Variants in ATP8A2 observed in about 807,000 individuals in gnomAD.
ATP8A2 encodes ATPase phospholipid transporting 8A2, also known as phospholipid-transporting ATPase IB.
Under a neutral mutation model 165.6 loss-of-function variants are expected in ATP8A2, and 100 were observed. The ratio of observed to expected loss-of-function variants is 0.60; its 90% CI spans 0.51 to 0.71. ATP8A2 has a LOEUF of 0.71. Among genes scored for constraint, ATP8A2 ranks in the 30% least tolerant of loss-of-function variants. ATP8A2 has a pLI of 0.00. For synonymous variants in ATP8A2, 543 were observed against 548.8 expected, an observed-to-expected ratio of 0.99 and a Z score of 0.15; for missense variants, 1,227 against 1,479.5, an observed-to-expected ratio of 0.83 and a Z score of 2.80.
chr13:25,855,137 G>A (rs933822307), intron 30 of ATP8A2, among the ~76,000 whole-genome samples: 2 of 151,844 alleles, frequency 1.3e-5, no homozygotes, highest in Non-Finnish European at 2.9e-5. Flanking sequence ...TGTAATCCCA[G>A]CTACTTGGGA....
intron 6 of ATP8A2, among the ~76,000 whole-genome samples, chr13:25,533,714 C>A (rs538260710): frequency 9.2e-5 from 14 of 152,274 alleles, no homozygotes; most frequent in Admixed American, 7.8e-4. Flanking sequence ...CAAGAAACCA[C>A]CCCATTTCCG....
At chr13:25,900,460 G>A (rs560366311) in intron 33 of ATP8A2, among the ~76,000 whole-genome samples, 4 of 152,170 alleles carry the variant, frequency 2.6e-5, no homozygotes, top group African/African-American at 4.8e-5. Flanking sequence ...GGGCTGTCAC[G>A]TGGAAGAAGT....
chr13:25,450,826 C>T (rs1393333264), intron 1 of ATP8A2, among the ~76,000 whole-genome samples: 1 of 152,022 alleles, frequency 6.6e-6, no homozygotes, highest in Non-Finnish European at 1.5e-5. Flanking sequence ...CCACCGCGCC[C>T]AGCCCTGACT....
At chr13:25,712,284 C>T (rs1465319654) in intron 25 of ATP8A2, among the ~76,000 whole-genome samples, 1 of 152,162 alleles carries the variant, frequency 6.6e-6, no homozygotes, top group Non-Finnish European at 1.5e-5. Flanking sequence ...CTACCTATCT[C>T]TCAGTCTGCA....
chr13:25,803,610 C>T (rs559271732), intron 27 of ATP8A2, among the ~76,000 whole-genome samples: 2 of 152,206 alleles, frequency 1.3e-5, no homozygotes, highest in African/African-American at 2.4e-5. Flanking sequence ...AGATCAGCCT[C>T]GGGACCAAAA....
intron 1 of ATP8A2, among the ~76,000 whole-genome samples, chr13:25,381,802 C>CAG (rs2032847605): frequency 6.6e-6 from 1 of 152,128 alleles, no homozygotes; most frequent in African/African-American, 2.4e-5. Context: ...AGAGCTAGTC[C>CAG]AGAGTTCTGA....
chr13:25,963,393 C>CAAAA (rs763926807), intron 34 of ATP8A2, among the ~76,000 whole-genome samples: 4 of 115,380 alleles, frequency 3.5e-5, no homozygotes, highest in African/African-American at 1.0e-4. Flanking sequence ...GACTCCGTCT[C>CAAAA]AAAAAAAAAA....
At chr13:25,442,132 A>G (rs1209359029) in intron 1 of ATP8A2, among the ~76,000 whole-genome samples, 6 of 152,190 alleles carry the variant, frequency 3.9e-5, no homozygotes, top group African/African-American at 9.7e-5. Flanking sequence ...TTATCCATTT[A>G]TCCACGGATA....
chr13:25,587,122 A>C (rs1209664364), intron 23 of ATP8A2, among the ~76,000 whole-genome samples: 1 of 152,214 alleles, frequency 6.6e-6, no homozygotes, highest in African/African-American at 2.4e-5. Context: ...TTGACATTCT[A>C]TACCTGGCTC....
intron 23 of ATP8A2, among the ~76,000 whole-genome samples, chr13:25,586,936 G>A (rs1168679422): frequency 2.6e-5 from 4 of 152,038 alleles, no homozygotes; most frequent in African/African-American, 9.7e-5. Flanking sequence ...TAATATTTTG[G>A]TTTCTTTGAA....
intron 27 of ATP8A2, among the ~76,000 whole-genome samples, chr13:25,810,133 A>T (rs1269843851): frequency 6.6e-6 from 1 of 152,206 alleles, no homozygotes; most frequent in African/African-American, 2.4e-5. Flanking sequence ...GGTAGTCTCT[A>T]ACCTCCATTC....
intron 24 of ATP8A2, among the ~76,000 whole-genome samples, chr13:25,665,672 G>A (rs1211890261): frequency 2.0e-5 from 3 of 151,202 alleles, no homozygotes; most frequent in African/African-American, 7.4e-5. Flanking sequence ...CATGTAACAA[G>A]CATATTGAAT....
At chr13:25,501,836 T>C (rs1188727320) in intron 2 of ATP8A2, among the ~76,000 whole-genome samples, 3 of 152,214 alleles carry the variant, frequency 2.0e-5, no homozygotes, top group Admixed American at 6.5e-5. Context: ...TAGTGGATGG[T>C]AGAACAGTCC....
chr13:25,754,989 T>C (rs1163964156), intron 25 of ATP8A2, among the ~76,000 whole-genome samples: 1 of 152,206 alleles, frequency 6.6e-6, no homozygotes, highest in Non-Finnish European at 1.5e-5. Flanking sequence ...ATTTGCTGAT[T>C]TGTTTTTTGG....
chr13:25,601,498 G>A lies in ATP8A2; in HGVS notation c.2211+11799G>A, dbSNP rs147636317. Among the ~76,000 whole-genome samples the A allele has an allele frequency of 1.4e-4, 21 of 152,208 alleles. No individual in the cohort carries two copies. The East Asian group carries it at 2.9e-3, about 21-fold the overall frequency. On this transcript the variant is annotated intron_variant, in intron 24 of 36. Transcript: ENST00000381655. The stretch of plus-strand genomic sequence containing the variant: ...TGTTGTTTGTGTTGTTTTTTGAGAC[G>A]GAGTCTCGTTCTGTCACCCATGCTG...
chr13:25,777,500 G>T (rs949670624), intron 27 of ATP8A2, among the ~76,000 whole-genome samples: 5 of 152,122 alleles, frequency 3.3e-5, no homozygotes, highest in Non-Finnish European at 7.4e-5. Flanking sequence ...ACTTAAGTAA[G>T]AATAAATTAA....
At chr13:25,599,169 G>T (rs1336327831) in intron 24 of ATP8A2, among the ~76,000 whole-genome samples, 6 of 152,062 alleles carry the variant, frequency 3.9e-5, no homozygotes, top group African/African-American at 1.4e-4. Flanking sequence ...ATTAGCATTT[G>T]CTTAAAGAGC....
In ATP8A2 at chr13:25,900,719, G is replaced by A. The variant is rs190552712; in HGVS notation, c.3183+38311G>A. Among the ~76,000 whole-genome samples, 214 of 152,216 alleles carry A rather than the reference G, an allele frequency of 1.4e-3. 1 individual carries two copies. The highest frequency in any genetic ancestry group is 4.9e-3 in the African/African-American group (202 of 41,536). ...AGGGGGTCTGTTCAGTTGCTTGGGG[G>A]CTTAAGATTTTATTTTTATTTCTCA... On this transcript the variant is annotated intron_variant, in intron 33 of 36. Transcript: ENST00000381655.
At chr13:26,016,010 G>T (rs989029586) in intron 36 of ATP8A2, among the ~76,000 whole-genome samples, 7 of 152,262 alleles carry the variant, frequency 4.6e-5, no homozygotes, top group African/African-American at 1.7e-4. Flanking sequence ...GATGGTGTCT[G>T]GTTTTCCAGT....
Sources: gnomAD v4.1 joint callset for allele counts (sites outside exome capture counted in the v4.1 genomes callset) on GRCh38, gnomAD v4.1.1 for gene constraint, MANE v1.5 for transcripts, NCBI Gene and HGNC (gene_info 2026-07-23, HGNC 2026-07-21) for gene names.